The following MAF variants were observed in gnomAD, a reference collection of about 807,000 sequenced individuals.
The protein encoded by MAF is transcription factor Maf.
A neutral mutation model predicts 22.0 loss-of-function variants in MAF; 10 were observed. That is an observed-to-expected ratio of 0.45 (90% CI 0.28 to 0.77). MAF has a LOEUF of 0.77. Ranked by LOEUF, MAF falls within the 30% of genes least tolerant of loss-of-function variation. The probability of loss-of-function intolerance (pLI) is 0.12; values close to 1 mark genes in which losing one functional copy is unlikely to be tolerated. For synonymous variants in MAF, 337 were observed against 255.8 expected (o/e 1.32, Z -3.03); for missense variants, 544 against 548.4 (o/e 0.99, Z 0.08).
chr16:79,289,691 T>C, the MAF span, among the ~76,000 whole-genome samples: 2 of 152,146 alleles, frequency 1.3e-5, no homozygotes, highest in South Asian at 4.2e-4. Flanking sequence ...ATTTTAGGGA[T>C]GTGGAAACTG....
At chr16:79,220,279 A>C in the MAF span, among the ~76,000 whole-genome samples, 1 of 149,184 alleles carries the variant, frequency 6.7e-6, no homozygotes, top group African/African-American at 2.5e-5. Flanking sequence ...AAAAAAGTTA[A>C]AGTTAAAATG....
the MAF span, among the ~76,000 whole-genome samples, chr16:79,458,806 C>A: frequency 2.0e-5 from 3 of 152,182 alleles, no homozygotes; most frequent in Non-Finnish European, 4.4e-5. Flanking sequence ...GGAGATGTCA[C>A]CCTTTCCTTT....
At chr16:79,406,784 G>T in the MAF span, among the ~76,000 whole-genome samples, 2 of 152,232 alleles carry the variant, frequency 1.3e-5, no homozygotes, top group South Asian at 4.2e-4. Flanking sequence ...ATTACCTTAT[G>T]GTGCTCCAGA....
chr16:79,371,254 A>G, the MAF span, among the ~76,000 whole-genome samples: 2 of 152,094 alleles, frequency 1.3e-5, no homozygotes, highest in African/African-American at 2.4e-5. Context: ...AGGCTCCCAG[A>G]GTAGTGTTTC....
the MAF span, among the ~76,000 whole-genome samples, chr16:79,380,808 G>A: frequency 1.3e-5 from 2 of 152,352 alleles, no homozygotes; most frequent in South Asian, 4.1e-4. Flanking sequence ...ACCGGCCATT[G>A]ACCCTACAGC....
At chr16:79,358,573 AT>A in the MAF span, among the ~76,000 whole-genome samples, 2 of 152,170 alleles carry the variant, frequency 1.3e-5, no homozygotes, top group Non-Finnish European at 2.9e-5. Context: ...GCAGTGAAGG[AT>A]CCCACCTTGG....
At chr16:79,265,130 G>T in the MAF span, among the ~76,000 whole-genome samples, 1 of 152,102 alleles carries the variant, frequency 6.6e-6, no homozygotes, top group African/African-American at 2.4e-5. Flanking sequence ...GGCACACATG[G>T]ATATTGCATA....
the MAF span, among the ~76,000 whole-genome samples, chr16:79,397,212 T>C: frequency 6.6e-6 from 1 of 152,220 alleles, no homozygotes; most frequent in Non-Finnish European, 1.5e-5. Flanking sequence ...GCAATCTGTG[T>C]CTTCCACAAC....
chr16:79,425,839 C>G, the MAF span, among the ~76,000 whole-genome samples: 1 of 152,150 alleles, frequency 6.6e-6, no homozygotes, highest in South Asian at 2.1e-4. Context: ...GCAGCATTCT[C>G]ACCTCATATG....
the MAF span, chr16:79,204,664 C>A: frequency 6.6e-6 from 1 of 152,236 alleles, no homozygotes; most frequent in Non-Finnish European, 1.5e-5. Context: ...TGAGAGCGTA[C>A]CAAGGTCACC....
the MAF span, among the ~76,000 whole-genome samples, chr16:79,206,944 T>C: frequency 1.3e-5 from 2 of 152,216 alleles, no homozygotes; most frequent in Non-Finnish European, 1.5e-5. Flanking sequence ...GCAGTTTGCT[T>C]TCATTTGTGT....
At chr16:79,325,303 G>T in the MAF span, among the ~76,000 whole-genome samples, 1 of 152,188 alleles carries the variant, frequency 6.6e-6, no homozygotes, top group Non-Finnish European at 1.5e-5. Flanking sequence ...CGACAACCGT[G>T]CATGCAACTG....
At chr16:79,233,317 G>A in the MAF span, among the ~76,000 whole-genome samples, 1 of 151,982 alleles carries the variant, frequency 6.6e-6, no homozygotes, top group Non-Finnish European at 1.5e-5. Context: ...AGATGAAAAT[G>A]TGCTATGTTA....
chr16:79,529,334 T>C, the MAF span, among the ~76,000 whole-genome samples: 2 of 152,186 alleles, frequency 1.3e-5, no homozygotes, highest in African/African-American at 4.8e-5. Context: ...TGGCAAACTA[T>C]GTAGCTATTC....
the MAF span, among the ~76,000 whole-genome samples, chr16:79,570,924 G>A: frequency 3.3e-5 from 5 of 152,156 alleles, no homozygotes; most frequent in East Asian, 1.9e-4. Context: ...AACAGATGCC[G>A]CCTGGGTTCC....
the MAF span, among the ~76,000 whole-genome samples, chr16:79,213,794 G>GAT: frequency 6.8e-6 from 1 of 147,458 alleles, no homozygotes; most frequent in East Asian, 2.0e-4. Flanking sequence ...CAATGCAAAA[G>GAT]ATAGTAAAAG....
At chr16:79,303,710 G>A in the MAF span, among the ~76,000 whole-genome samples, 53 of 152,152 alleles carry the variant, frequency 3.5e-4, no homozygotes, top group South Asian at 6.2e-4. Context: ...AGGCACACCC[G>A]TAAGAAAGAG....
the MAF span, among the ~76,000 whole-genome samples, chr16:79,566,886 T>A: frequency 6.6e-6 from 1 of 152,214 alleles, no homozygotes. Context: ...CTGATGGATG[T>A]AGGGACCCTC....
chr16:79,519,063 T>G, the MAF span, among the ~76,000 whole-genome samples: 4 of 152,238 alleles, frequency 2.6e-5, no homozygotes, highest in African/African-American at 9.6e-5. Context: ...ATAATAATAT[T>G]ACTAATGCCT....
Sources: allele counts gnomAD v4.1 joint callset (sites outside exome capture counted in the v4.1 genomes callset), GRCh38; gene constraint gnomAD v4.1.1; transcripts MANE v1.5; gene names NCBI Gene and HGNC (gene_info 2026-07-23, HGNC 2026-07-21).